Variants in PCDHA5 observed in about 807,000 individuals in gnomAD.
PCDHA5 encodes the protein protocadherin alpha 5, also known as protocadherin alpha-5.
PCDHA5 carries 43 observed loss-of-function variants against 61.6 expected under a neutral mutation model. The ratio of observed to expected loss-of-function variants is 0.70; its 90% confidence interval spans 0.55 to 0.90. PCDHA5 has a LOEUF of 0.90. Among genes scored for constraint, PCDHA5 ranks in the 40% least tolerant of loss-of-function variants. The pLI, the probability that PCDHA5 is intolerant of heterozygous loss-of-function variation, is 0.00. For synonymous variants in PCDHA5, 627 were observed against 543.9 expected (o/e 1.15, Z -2.13); for missense variants, 1,298 against 1,222.7 (o/e 1.06, Z -0.92).
At chr5:140,944,596 G>A (rs2093672992) in intron 1 of PCDHA5, among the ~76,000 whole-genome samples, 1 of 152,138 alleles carries the variant, frequency 6.6e-6, no homozygotes, top group Admixed American at 6.5e-5. Context: ...ATTTCCCTGG[G>A]TAGAGTAGTG....
intron 1 of PCDHA5, chr5:140,830,815 C>T (rs1341950748): frequency 6.4e-6 from 1 of 156,708 alleles, no homozygotes. Context: ...CATTTGTTTG[C>T]CTTTGAGCTT....
At chr5:140,967,214 C>T (rs2096114688) in intron 1 of PCDHA5, 10 of 1,613,692 alleles carry the variant, frequency 6.2e-6, no homozygotes, top group Non-Finnish European at 8.5e-6. Context: ...GCGTTTCCCG[C>T]GGCCCAACTA....
rs2150114554 is a variant in PCDHA5 at position 140,822,209 on chromosome 5, G to A, written c.434G>A (p.Arg145Lys). ...QEQRLFILES[R>K]MPDSRFPLEG... ...CAAAGATTATTCATTTTAGAGTCAA[G>A]AATGCCAGATTCGCGGTTTCCGCTA... is the stretch of plus-strand genomic sequence containing the variant. The change falls in exon 1 of 4, where the codon AGA becomes AAA. Residue 145 changes from arginine to lysine, a missense_variant. By Grantham distance (26) the Arg-to-Lys change is conservative. Transcript: ENST00000529859. The A allele has an allele frequency of 6.2e-7, 1 of 1,614,228 alleles. No individual in the cohort carries two copies. Among genetic ancestry groups the A allele is most frequent in the Non-Finnish European group, 8.5e-7 (1 of 1,180,032 alleles).
In PCDHA5 at chr5:140,853,931, G is replaced by T. The variant is rs2042911351; in HGVS notation, c.2352+29804G>T. The T allele has an allele frequency of 3.5e-6, 3 of 868,826 alleles. No homozygotes were observed. The South Asian group carries it at 1.6e-4, about 45-fold the overall frequency. The allele number at this position is 868,826 out of a possible 1,614,324, so 53.8% of individuals were successfully genotyped here. A position where few individuals can be genotyped will look rare whatever the true frequency, so the allele number is the denominator to read the frequency against. ...CACCTGCAATCCCAACATTTTGGGA[G>T]GCCAAGGTGGGAGGGTCCCTTCCTT... On this transcript the variant is annotated intron_variant, in intron 1 of 3. Coordinates refer to ENST00000529859, the MANE Select transcript of PCDHA5 (RefSeq NM_018908.3).
At chr5:140,832,455 G>A (rs2150201808) in intron 1 of PCDHA5, among the ~76,000 whole-genome samples, 8 of 152,070 alleles carry the variant, frequency 5.3e-5, no homozygotes, top group Non-Finnish European at 1.2e-4. Flanking sequence ...AATTAATATT[G>A]CACTAAAATT....
rs1244552333 is a variant in PCDHA5, at chr5:140,823,098, T to C, written c.1323T>C (p.Ser441=). The change falls in exon 1 of 4, where the codon TCT becomes TCC. Residue 441 remains serine (S), a synonymous_variant. Transcript: ENST00000529859. ...CGCTGTGGGCCACCGCCAGCGTGTC[T>C]GTGGAAGTGGCCGACGTGAACGACA... ...SPSLWATASV[S]VEVADVNDNA... 5.0e-6 allele frequency: 8 copies of C among 1,613,868 alleles called. No homozygotes were observed. The highest frequency in any genetic ancestry group is 1.7e-4 in the Middle Eastern group (1 of 6,060).
chr5:140,956,979 A>C (rs2153711830), intron 1 of PCDHA5, among the ~76,000 whole-genome samples: 1 of 152,346 alleles, frequency 6.6e-6, no homozygotes, highest in South Asian at 2.1e-4. Context: ...AATTTAAGTA[A>C]AATAAATTCA....
chr5:140,838,754 T>C lies in PCDHA5; in HGVS notation c.2352+14627T>C, dbSNP rs1775868330. Among the ~76,000 whole-genome samples, 3 of 152,010 alleles carry C rather than the reference T, an allele frequency of 2.0e-5. No individual in the cohort carries two copies. In the South Asian group the frequency reaches 6.2e-4, roughly 32 times the overall value. On this transcript the variant is annotated intron_variant, in intron 1 of 3. Transcript: ENST00000529859. ...AGTTTGAGACCAGCTTGTGCATCTT[T>C]TGTAGAGACTTTGTAAAATTAGCTA...
intron 1 of PCDHA5, among the ~76,000 whole-genome samples, chr5:140,945,772 T>A (rs538344111): frequency 1.2e-4 from 18 of 152,228 alleles, no homozygotes; most frequent in African/African-American, 4.1e-4. Context: ...GACAATTTGA[T>A]ATCCAGATGC....
At chr5:140,843,076 G>C in intron 1 of PCDHA5, 1 of 1,595,332 alleles carries the variant, frequency 6.3e-7, no homozygotes, top group South Asian at 1.1e-5. Context: ...CGCGGTCTGT[G>C]GGCGCGGGCC....
chr5:140,872,703 G>C (rs1582092486), intron 1 of PCDHA5, among the ~76,000 whole-genome samples: 1 of 152,114 alleles, frequency 6.6e-6, no homozygotes, highest in Admixed American at 6.5e-5. Context: ...TGATTCCAAA[G>C]GAAACTAGGT....
rs2150353254 is a variant in PCDHA5 at position 140,843,123 on chromosome 5, C to A, written c.2352+18996C>A. On this transcript the variant is annotated intron_variant, in intron 1 of 3. Transcript: ENST00000529859. ...AAGGTGCGCGCAGTGGACGCCGACT[C>A]GGGCTACAACGCGTGGCTTTCGTAT... The A allele has an allele frequency of 3.1e-6, 5 of 1,595,902 alleles. No individual in the cohort carries two copies. In the South Asian group the frequency reaches 3.3e-5, roughly 11 times the overall value.
intron 1 of PCDHA5, among the ~76,000 whole-genome samples, chr5:140,972,181 AC>A: frequency 6.6e-6 from 1 of 152,234 alleles, no homozygotes; most frequent in Admixed American, 6.5e-5. Flanking sequence ...TTGGCCTGTC[AC>A]CCAGGCTGGA....
intron 1 of PCDHA5, chr5:140,870,851 C>A: frequency 6.2e-7 from 1 of 1,613,838 alleles, no homozygotes; most frequent in Non-Finnish European, 8.5e-7. Flanking sequence ...GTACCGCGGT[C>A]GGTGGGTGCG....
In PCDHA5 at chr5:140,822,604, G is replaced by C. The variant is rs2150117733; in HGVS notation, c.829G>C (p.Val277Leu). The stretch of plus-strand genomic sequence containing the variant: ...AGATGAGGGCATCAATAAGGAAATA[G>C]TGTATTTCTTTAGTAATCTTGTTCT... ...DADEGINKEI[V>L]YFFSNLVLDD... The change falls in exon 1 of 4, where the codon GTG becomes CTG. Residue 277 changes from valine to leucine, a missense_variant. Physicochemically the swap from Val to Leu is conservative, Grantham distance 32. Transcript: ENST00000529859. 5 of 1,608,224 alleles carry C rather than the reference G, an allele frequency of 3.1e-6. No individual in the cohort carries two copies. Among genetic ancestry groups the C allele is most frequent in the Middle Eastern group, 1.7e-4 (1 of 6,054 alleles).
At chr5:140,957,900 G>A (rs2095395670) in intron 1 of PCDHA5, among the ~76,000 whole-genome samples, 1 of 151,932 alleles carries the variant, frequency 6.6e-6, no homozygotes, top group South Asian at 2.1e-4. Flanking sequence ...CATCAACCAA[G>A]GCATATTGTT....
In PCDHA5 at chr5:140,822,974, TC is replaced by T; in HGVS notation, c.1200del (p.Phe400LeufsTer25). ...PHVPFKLVST[F>X]KNYYSLVLDS... ...GTTCCCTTCAAGCTGGTGTCCACCT[TC>T]AAGAATTACTACTCGTTGGTGCTGG... On this transcript the variant is annotated frameshift_variant, in exon 1 of 4. Transcript: ENST00000529859. LOFTEE classifies it high-confidence loss of function. 1 of 1,614,226 alleles carries T rather than the reference TC, an allele frequency of 6.2e-7. No individual in the cohort carries two copies. Among genetic ancestry groups the T allele is most frequent in the Admixed American group, 1.7e-5 (1 of 60,030 alleles).
intron 1 of PCDHA5, chr5:140,858,137 TACCTGATCATCGCC>T: frequency 1.9e-6 from 3 of 1,597,500 alleles, no homozygotes; most frequent in Non-Finnish European, 2.6e-6. Context: ...TGTCAACGTG[TACCTGATCATCGCC>T]ATCTGCGCGG....
intron 1 of PCDHA5, among the ~76,000 whole-genome samples, chr5:140,838,153 G>A (rs2150285429): frequency 3.7e-5 from 5 of 135,362 alleles, no homozygotes; most frequent in Admixed American, 1.5e-4. Flanking sequence ...TTACTCTGTC[G>A]CCCTCTCTGG....
Sources: gnomAD v4.1 joint callset for allele counts (sites outside exome capture counted in the v4.1 genomes callset) on GRCh38, gnomAD v4.1.1 for gene constraint, MANE v1.5 for transcripts, NCBI Gene and HGNC (gene_info 2026-07-23, HGNC 2026-07-21) for gene names.